ECE1: variants seen among roughly 807,000 people sequenced by gnomAD.
ECE1 encodes endothelin-converting enzyme 1.
In ECE1, 35 loss-of-function variants were observed where a neutral mutation model predicts 98.6. That is an observed-to-expected ratio of 0.35 (90% CI 0.27 to 0.47). The LOEUF is 0.47. Among genes scored for constraint, ECE1 ranks in the 20% least tolerant of loss-of-function variants. The probability of loss-of-function intolerance (pLI) is 1.00; values close to 1 mark genes in which losing one functional copy is unlikely to be tolerated. For missense variants in ECE1, 814 were observed against 1,025.3 expected, an observed-to-expected ratio of 0.79 and a Z score of 2.81; for synonymous variants, 394 against 407.1, an observed-to-expected ratio of 0.97 and a Z score of 0.39.
chr1:21,220,209 G>A lies in ECE1; in HGVS notation c.2137-78C>T, dbSNP rs1238177963. ...CCAGACTGCCCCCATTATAACAGCAGGGGAGGCCAGGTGCGGTGGCTCACA... is the reference window on the plus strand; with the variant it reads ...CCAGACTGCCCCCATTATAACAGCAAGGGAGGCCAGGTGCGGTGGCTCACA... On this transcript the variant is annotated intron_variant, in intron 18 of 18. Transcript: ENST00000374893. The surrounding 1 kb of genome is among the most constrained non-coding windows in gnomAD (Gnocchi z 5.0). The A allele has an allele frequency of 1.3e-6, 2 of 1,501,736 alleles. No homozygotes were observed. The highest frequency in any genetic ancestry group is 2.0e-5 in the Admixed American group (1 of 49,226). 93.0% of individuals were successfully genotyped at this position (1,501,736 alleles called of 1,614,324 possible). A position where few individuals can be genotyped will look rare whatever the true frequency, so the allele number is the denominator to read the frequency against.
intron 10 of ECE1, among the ~76,000 whole-genome samples, chr1:21,244,751 TTG>T (rs551861475): frequency 7.0e-4 from 106 of 152,272 alleles, no homozygotes; most frequent in Non-Finnish European, 1.4e-3. Flanking sequence ...CTCACAGGCA[TTG>T]TGAGGATCAT....
chr1:21,341,463 G>A (rs1354517947), intron 1 of ECE1, among the ~76,000 whole-genome samples: 2 of 152,232 alleles, frequency 1.3e-5, no homozygotes, highest in Non-Finnish European at 2.9e-5. Flanking sequence ...ATGAAAGTGT[G>A]GACTTGGCCA....
chr1:21,261,724 C>T (rs145373397), intron 4 of ECE1, among the ~76,000 whole-genome samples: 17 of 152,286 alleles, frequency 1.1e-4, no homozygotes, highest in African/African-American at 3.4e-4. Context: ...CTATGAACAA[C>T]GCACGTGGCT....
intron 5 of ECE1, among the ~76,000 whole-genome samples, chr1:21,259,854 G>C (rs2103292766): frequency 6.6e-6 from 1 of 152,162 alleles, no homozygotes; most frequent in Non-Finnish European, 1.5e-5. Flanking sequence ...TCTGGTTCTG[G>C]GCCAAGACTC....
chr1:21,328,738 G>C (rs575749553), intron 1 of ECE1, among the ~76,000 whole-genome samples: 46 of 134,410 alleles, frequency 3.4e-4, no homozygotes, highest in Admixed American at 1.0e-3. Context: ...ACTCCAGCCT[G>C]AGCAACAAGA....
chr1:21,278,699 T>C (rs1287199422), intron 3 of ECE1, among the ~76,000 whole-genome samples: 1 of 152,158 alleles, frequency 6.6e-6, no homozygotes. Context: ...TCCGAGGAAA[T>C]AATTCAGTAA....
At chr1:21,339,856 C>T (rs1017801158) in intron 1 of ECE1, among the ~76,000 whole-genome samples, 1 of 152,320 alleles carries the variant, frequency 6.6e-6, no homozygotes, top group African/African-American at 2.4e-5. Context: ...CCAAGACAGG[C>T]CTGGGGCATC....
At chr1:21,222,164 G>A (rs1173633980) in intron 17 of ECE1, 2 of 400,176 alleles carry the variant, frequency 5.0e-6, no homozygotes, top group Non-Finnish European at 9.5e-6. Context: ...GCCACATCGT[G>A]TGTGTGCATG....
rs549342182 is a variant in ECE1 at position 21,319,467 on chromosome 1, A to C, written c.3+25909T>G. Among the ~76,000 whole-genome samples, 18 of 152,246 alleles carry C rather than the reference A, an allele frequency of 1.2e-4. No individual in the cohort carries two copies. Among genetic ancestry groups the C allele is most frequent in the African/African-American group, 3.9e-4 (16 of 41,542 alleles). ...CCTGGTACATACTAGGGCCTCCATA[A>C]ATGCCGGCTCCATGCTGCCCCCACC... On this transcript the variant is annotated intron_variant, in intron 1 of 18. Coordinates refer to the ECE1 transcript ENST00000415912. The surrounding 1 kb of genome is among the most constrained non-coding windows in gnomAD (Gnocchi z 4.4).
At chr1:21,250,794 T>A (rs1209994454) in intron 8 of ECE1, among the ~76,000 whole-genome samples, 1 of 149,280 alleles carries the variant, frequency 6.7e-6, no homozygotes, top group Non-Finnish European at 1.5e-5. Context: ...GATCACGAGG[T>A]CAGGAAAGGG....
At chr1:21,237,378 G>C (rs2098189705) in intron 11 of ECE1, among the ~76,000 whole-genome samples, 1 of 152,194 alleles carries the variant, frequency 6.6e-6, no homozygotes, top group Non-Finnish European at 1.5e-5. Flanking sequence ...TTCTAGAGAA[G>C]GGGAAGGCAG....
At chr1:21,236,876 T>G in intron 11 of ECE1, 32 bp from the exon 12 acceptor site, 1 of 1,586,296 alleles carries the variant, frequency 6.3e-7, no homozygotes, top group Admixed American at 1.7e-5. Flanking sequence ...CAGTAAGGTC[T>G]GCGCACTGGT....
At chr1:21,314,375 GCTC>G (rs544238989) in intron 1 of ECE1, among the ~76,000 whole-genome samples, 57 of 152,346 alleles carry the variant, frequency 3.7e-4, no homozygotes, top group Non-Finnish European at 6.8e-4. Context: ...TACAGCCTGA[GCTC>G]CTCCTCTCCC....
At position 21,227,806 on chromosome 1, in the gene ECE1, T is replaced by A. The variant is rs1402743823; in HGVS notation, c.1781+125A>T. On this transcript the variant is annotated intron_variant, in intron 15 of 18. Coordinates refer to ENST00000374893, the MANE Select transcript of ECE1 (RefSeq NM_001397.3). Reference sequence around the variant, plus strand: ...TGAGGATGTTGCTTCCTCTGCAACATCTCTGACATCTGCAACCTGAAGCAC... The same window carrying A: ...TGAGGATGTTGCTTCCTCTGCAACAACTCTGACATCTGCAACCTGAAGCAC... 6.8e-6 allele frequency: 5 copies of A among 735,164 alleles called. No individual in the cohort carries two copies. The African/African-American group carries it at 8.9e-5, about 13-fold the overall frequency. The allele number at this position is 735,164 out of a possible 1,614,324, so 45.5% of individuals were successfully genotyped here.
At chr1:21,318,107 A>G (rs950785503) in intron 1 of ECE1, among the ~76,000 whole-genome samples, 2 of 152,210 alleles carry the variant, frequency 1.3e-5, no homozygotes, top group African/African-American at 2.4e-5. Context: ...GCTCTGCACA[A>G]CTCAAGTGAT....
chr1:21,329,523 C>A (rs1220138165), intron 1 of ECE1, among the ~76,000 whole-genome samples: 1 of 152,202 alleles, frequency 6.6e-6, no homozygotes, highest in African/African-American at 2.4e-5. Context: ...CATGGCTCAA[C>A]CTCTGTGAGT....
intron 8 of ECE1, among the ~76,000 whole-genome samples, chr1:21,247,695 G>A (rs1431064345): frequency 1.3e-5 from 2 of 152,176 alleles, no homozygotes; most frequent in Non-Finnish European, 2.9e-5. Flanking sequence ...TGGTCCTCAC[G>A]CGAGTCCAAG....
chr1:21,248,212 C>T (rs191853654), intron 8 of ECE1, among the ~76,000 whole-genome samples: 1 of 151,326 alleles, frequency 6.6e-6, no homozygotes, highest in Non-Finnish European at 1.5e-5. Flanking sequence ...ACTCTCTTGT[C>T]CAGGCTGGAG....
At chr1:21,310,743 CT>C (rs1638701585) in intron 1 of ECE1, among the ~76,000 whole-genome samples, 1 of 152,306 alleles carries the variant, frequency 6.6e-6, no homozygotes, top group South Asian at 2.1e-4. Flanking sequence ...GGCCAAGACT[CT>C]GGTCACCTTG....
Sources: allele counts gnomAD v4.1 joint callset (sites outside exome capture counted in the v4.1 genomes callset), GRCh38; gene constraint gnomAD v4.1.1; non-coding constraint Gnocchi (gnomAD v3.1); transcripts MANE v1.5; gene names NCBI Gene and HGNC (gene_info 2026-07-23, HGNC 2026-07-21).